SMAP1: variants seen among roughly 807,000 people sequenced by gnomAD.
SMAP1 encodes stromal membrane-associated protein 1.
SMAP1 carries 24 observed loss-of-function variants against 58.5 expected under a neutral mutation model. That is an observed-to-expected ratio of 0.41 (90% CI 0.30 to 0.58). SMAP1 has a LOEUF of 0.58. Among genes scored for constraint, SMAP1 ranks in the 20% least tolerant of loss-of-function variants. SMAP1 has a pLI of 0.29. For synonymous variants in SMAP1, 216 were observed against 196.6 expected, an observed-to-expected ratio of 1.10 and a Z score of -0.82; for missense variants, 563 against 566.3, an observed-to-expected ratio of 0.99 and a Z score of 0.06.
At chr6:70,781,052 TAATTA>T (rs899803797) in intron 4 of SMAP1, among the ~76,000 whole-genome samples, 2 of 152,218 alleles carry the variant, frequency 1.3e-5, no homozygotes, top group Non-Finnish European at 2.9e-5. Context: ...TACTCAAACT[TAATTA>T]TAAGAGTTTA....
intron 7 of SMAP1, among the ~76,000 whole-genome samples, chr6:70,847,728 G>A (rs2150006363): frequency 6.6e-6 from 1 of 152,160 alleles, no homozygotes; most frequent in African/African-American, 2.4e-5. Flanking sequence ...AGCTGTTTCT[G>A]CATACTAATT....
chr6:70,754,314 C>T (rs1015358176), intron 2 of SMAP1, among the ~76,000 whole-genome samples: 19 of 151,996 alleles, frequency 1.3e-4, no homozygotes, highest in African/African-American at 4.6e-4. Flanking sequence ...AAATGATTAT[C>T]AAATTGTTTT....
At chr6:70,862,001 AAAG>A (rs748935032) in exon 11 of SMAP1, 37 of 1,565,492 alleles carry the variant, frequency 2.4e-5, no homozygotes, top group African/African-American at 3.8e-4. Flanking sequence ...TAAAAAAAAA[AAAG>A]AGACTTTAAA....
At position 70,730,263 on chromosome 6, in the gene SMAP1, C is replaced by G. The variant is rs144993570; in HGVS notation, c.119-2115C>G. 1.7e-4 allele frequency among the ~76,000 whole-genome samples: 26 copies of G among 151,832 alleles called. No homozygotes were observed. The East Asian group carries it at 5.1e-3, about 30-fold the overall frequency. ...GACCACTGTGGTTTCACTATGTTACCCAGGCTGGTCTCAAAACTCCTGGCC... is the reference window on the plus strand; with the variant it reads ...GACCACTGTGGTTTCACTATGTTACGCAGGCTGGTCTCAAAACTCCTGGCC... On this transcript the variant is annotated intron_variant, in intron 1 of 10. Transcript: ENST00000370455.
intron 3 of SMAP1, among the ~76,000 whole-genome samples, chr6:70,761,187 C>A (rs530057066): frequency 6.6e-6 from 1 of 151,706 alleles, no homozygotes; most frequent in Non-Finnish European, 1.5e-5. Flanking sequence ...AAAGATAAAG[C>A]GTATAATAAT....
At chr6:70,721,471 A>G (rs148020060) in intron 1 of SMAP1, among the ~76,000 whole-genome samples, 79 of 152,332 alleles carry the variant, frequency 5.2e-4, no homozygotes, top group African/African-American at 1.6e-3. Flanking sequence ...AAGCCATTCA[A>G]CAAGTCTCTA....
intron 6 of SMAP1, among the ~76,000 whole-genome samples, chr6:70,835,825 G>A (rs1224736212): frequency 1.3e-5 from 2 of 152,066 alleles, no homozygotes; most frequent in African/African-American, 4.8e-5. Context: ...TATTTTCTTA[G>A]TTTATTAGAA....
At chr6:70,678,156 T>C (rs1172183640) in intron 1 of SMAP1, among the ~76,000 whole-genome samples, 2 of 152,182 alleles carry the variant, frequency 1.3e-5, no homozygotes, top group East Asian at 3.8e-4. Context: ...GAAAGAGAAT[T>C]AAAAGTAATT....
chr6:70,758,689 A>G (rs186836877), intron 3 of SMAP1, among the ~76,000 whole-genome samples: 182 of 152,134 alleles, frequency 1.2e-3, no homozygotes, highest in African/African-American at 4.0e-3. Flanking sequence ...AGCAATGACA[A>G]TCTAAGTTAG....
chr6:70,716,184 C>G (rs762095699), intron 1 of SMAP1, among the ~76,000 whole-genome samples: 1 of 152,128 alleles, frequency 6.6e-6, no homozygotes, highest in Non-Finnish European at 1.5e-5. Flanking sequence ...TGTAAACATG[C>G]ATGTATTGTG....
At chr6:70,846,995 A>T (rs2150005881) in intron 7 of SMAP1, among the ~76,000 whole-genome samples, 1 of 152,340 alleles carries the variant, frequency 6.6e-6, no homozygotes, top group East Asian at 1.9e-4. Flanking sequence ...ATTAGTGGTT[A>T]AACTTGTATT....
chr6:70,831,518 A>G (rs1770357611), intron 6 of SMAP1, among the ~76,000 whole-genome samples: 1 of 152,104 alleles, frequency 6.6e-6, no homozygotes, highest in Admixed American at 6.6e-5. Flanking sequence ...AGCGTGCAGT[A>G]TTTAATTTTC....
intron 1 of SMAP1, among the ~76,000 whole-genome samples, chr6:70,723,374 G>A (rs969506155): frequency 1.3e-5 from 2 of 152,142 alleles, no homozygotes; most frequent in African/African-American, 4.8e-5. Context: ...AAGCCATATT[G>A]TTCTTCAAGG....
At chr6:70,739,291 G>A (rs1164042742) in intron 2 of SMAP1, among the ~76,000 whole-genome samples, 1 of 152,110 alleles carries the variant, frequency 6.6e-6, no homozygotes, top group African/African-American at 2.4e-5. Context: ...TATTTTCCAT[G>A]TGAGTTCTGC....
intron 6 of SMAP1, among the ~76,000 whole-genome samples, chr6:70,834,209 G>A (rs1283914867): frequency 6.6e-6 from 1 of 152,058 alleles, no homozygotes; most frequent in Non-Finnish European, 1.5e-5. Flanking sequence ...GGTGACAAAT[G>A]CCTTATAAAC....
intron 1 of SMAP1, among the ~76,000 whole-genome samples, chr6:70,674,444 C>A (rs1383565299): frequency 6.6e-6 from 1 of 152,082 alleles, no homozygotes; most frequent in Non-Finnish European, 1.5e-5. Context: ...TTCTACTAAT[C>A]GTCTTTTCAC....
At chr6:70,806,241 C>T (rs1404003085) in intron 6 of SMAP1, among the ~76,000 whole-genome samples, 5 of 152,198 alleles carry the variant, frequency 3.3e-5, no homozygotes, top group South Asian at 2.1e-4. Flanking sequence ...TGCCCAGCTG[C>T]GGCTTCACAG....
intron 7 of SMAP1, among the ~76,000 whole-genome samples, chr6:70,840,116 G>GT (rs1401746054): frequency 6.6e-6 from 1 of 152,212 alleles, no homozygotes; most frequent in African/African-American, 2.4e-5. Context: ...CTCCGTATGA[G>GT]TGAGACTAGA....
intron 6 of SMAP1, among the ~76,000 whole-genome samples, chr6:70,829,717 ATAAAC>A (rs1770281999): frequency 6.6e-6 from 1 of 152,242 alleles, no homozygotes; most frequent in African/African-American, 2.4e-5. Flanking sequence ...CTGATTATAA[ATAAAC>A]TAAGTTATAA....
Sources: gnomAD v4.1 joint callset for allele counts (sites outside exome capture counted in the v4.1 genomes callset) on GRCh38, gnomAD v4.1.1 for gene constraint, MANE v1.5 for transcripts, NCBI Gene and HGNC (gene_info 2026-07-23, HGNC 2026-07-21) for gene names.